KIAA1671: variants seen among roughly 807,000 people sequenced by gnomAD.
KIAA1671 encodes KIAA1671, also known as uncharacterized protein KIAA1671.
KIAA1671 carries 52 observed loss-of-function variants against 131.2 expected under a neutral mutation model. The ratio of observed to expected loss-of-function variants is 0.40; its 90% confidence interval spans 0.32 to 0.50. The LOEUF is 0.50. Ranked by LOEUF, KIAA1671 falls within the 20% of genes least tolerant of loss-of-function variation. The pLI, the probability that KIAA1671 is intolerant of heterozygous loss-of-function variation, is 0.73. For missense variants in KIAA1671, 2,360 were observed against 2,364.2 expected (o/e 1.00, Z 0.04); for synonymous variants, 1,003 against 961.6 (o/e 1.04, Z -0.80).
rs80110637 is a variant in KIAA1671 at position 24,964,931 on chromosome 22, T to C, written c.-208+12159T>C. ...GATGGGCAGAGCCGAAAAATCCTAGTGTTAGATCCTGTTCCCACATGTTGA... is the reference window on the plus strand; with the variant it reads ...GATGGGCAGAGCCGAAAAATCCTAGCGTTAGATCCTGTTCCCACATGTTGA... On this transcript the variant is annotated intron_variant, in intron 1 of 12. Coordinates refer to ENST00000358431, the MANE Select transcript of KIAA1671 (RefSeq NM_001145206.2). 4.3e-3 allele frequency among the ~76,000 whole-genome samples: 660 copies of C among 152,194 alleles called. 2 individuals are homozygous for C. The highest frequency in any genetic ancestry group is 0.015 in the African/African-American group (621 of 41,526).
At chr22:25,177,315 T>A in intron 8 of KIAA1671, 33 bp from the exon 9 acceptor site, 2 of 1,525,776 alleles carry the variant, frequency 1.3e-6, no homozygotes, top group Non-Finnish European at 1.8e-6. Context: ...GTTCCCTTGA[T>A]TTTTTTCCTC....
intron 1 of KIAA1671, among the ~76,000 whole-genome samples, chr22:24,958,566 C>A (rs5760758): frequency 6.6e-6 from 1 of 150,764 alleles, no homozygotes; most frequent in Non-Finnish European, 1.5e-5. Context: ...CAGGAGAATC[C>A]CTTGAACCCC....
chr22:24,958,381 G>A (rs1019994857), intron 1 of KIAA1671, among the ~76,000 whole-genome samples: 4 of 152,248 alleles, frequency 2.6e-5, no homozygotes, highest in African/African-American at 9.6e-5. Context: ...CGGGTGAGGT[G>A]GCTCACGCCT....
In KIAA1671 at chr22:25,069,371, G is replaced by A. The variant is rs80291771; in HGVS notation, c.4530+20007G>A. ...GGAAACATCTGGGAAAGTTTGCCTT[G>A]GATTTGCCCGAGGTGTGCTTTTATT... On this transcript the variant is annotated intron_variant, in intron 6 of 12. Transcript: ENST00000358431. Among the ~76,000 whole-genome samples, 400 of 152,290 alleles carry A rather than the reference G, an allele frequency of 2.6e-3. 3 individuals are homozygous for A. Among genetic ancestry groups the A allele is most frequent in the African/African-American group, 8.4e-3 (348 of 41,578 alleles).
intron 1 of KIAA1671, among the ~76,000 whole-genome samples, chr22:24,957,802 C>T (rs1183612745): frequency 3.3e-5 from 5 of 151,088 alleles, no homozygotes; most frequent in South Asian, 4.2e-4. Flanking sequence ...CTCAGCCTCC[C>T]GAGTAGCTGG....
chr22:25,057,035 A>AT (rs1927877772), intron 6 of KIAA1671: 1 of 152,152 alleles, frequency 6.6e-6, no homozygotes, highest in East Asian at 1.9e-4. Flanking sequence ...ATGAAGTTCC[A>AT]TTTCCTGGCA....
intron 6 of KIAA1671, among the ~76,000 whole-genome samples, chr22:25,164,687 T>C (rs1391325214): frequency 6.6e-6 from 1 of 152,148 alleles, no homozygotes; most frequent in Non-Finnish European, 1.5e-5. Flanking sequence ...TGGTGGCTCA[T>C]GCCTGTAATC....
intron 8 of KIAA1671, chr22:25,175,302 C>T (rs1933984008): frequency 6.6e-6 from 1 of 152,206 alleles, no homozygotes; most frequent in Non-Finnish European, 1.5e-5. Context: ...GAAAGGGACC[C>T]TCTCTCCTGG....
At chr22:24,996,462 G>A (rs936877724) in intron 1 of KIAA1671, among the ~76,000 whole-genome samples, 2 of 152,176 alleles carry the variant, frequency 1.3e-5, no homozygotes, top group African/African-American at 4.8e-5. Flanking sequence ...GGGAGGCAGT[G>A]TGTCAGCCTG....
intron 1 of KIAA1671, among the ~76,000 whole-genome samples, chr22:25,021,022 T>C (rs2123891138): frequency 6.6e-6 from 1 of 152,192 alleles, no homozygotes; most frequent in South Asian, 2.1e-4. Flanking sequence ...GGTGAATGGA[T>C]TGGAGGAGGC....
intron 6 of KIAA1671, among the ~76,000 whole-genome samples, chr22:25,119,487 A>G (rs1331705967): frequency 2.0e-5 from 3 of 152,254 alleles, no homozygotes; most frequent in African/African-American, 7.2e-5. Context: ...TTTGTACCAG[A>G]TACTGTGCTC....
intron 6 of KIAA1671, among the ~76,000 whole-genome samples, chr22:25,152,122 G>T (rs1276378297): frequency 6.6e-6 from 1 of 152,146 alleles, no homozygotes; most frequent in Non-Finnish European, 1.5e-5. Context: ...TATTTTTCAG[G>T]TTACGCCCAC....
At chr22:25,070,093 A>G in intron 6 of KIAA1671, 1 of 343,574 alleles carries the variant, frequency 2.9e-6, no homozygotes, top group South Asian at 1.5e-4. Context: ...AGCTGGGTTC[A>G]GAAGGATCCA....
In KIAA1671 at chr22:25,038,943, C is replaced by T. The variant is rs1001363618; in HGVS notation, c.1813C>T (p.Arg605Trp). The T allele has an allele frequency of 5.8e-6, 9 of 1,551,550 alleles. No individual in the cohort carries two copies. Among genetic ancestry groups the T allele is most frequent in the Admixed American group, 3.9e-5 (2 of 50,972 alleles). Reference protein sequence around the residue: ...CPSDVTPEDDRSFQTVWATVF... With the variant: ...CPSDVTPEDDWSFQTVWATVF... Reference sequence around the variant, plus strand: ...TTCTGACGTCACTCCAGAGGATGACCGGAGCTTCCAGACTGTGTGGGCCAC... The same window carrying T: ...TTCTGACGTCACTCCAGAGGATGACTGGAGCTTCCAGACTGTGTGGGCCAC... The change falls in exon 5 of 13, where the codon CGG becomes TGG. Residue 605 changes from arginine (R) to tryptophan (W), a missense_variant. Physicochemically the swap from Arg to Trp is moderately radical, Grantham distance 101. This residue lies in a region of KIAA1671 where 1,185 missense variants were observed against 1,126.2 expected (regional missense o/e 1.05). Transcript: ENST00000358431.
rs1167599971 is a variant in KIAA1671 at position 25,041,399 on chromosome 22, C to T, written c.4269C>T (p.Ser1423=). 6 of 1,551,786 alleles carry T rather than the reference C, an allele frequency of 3.9e-6. No individual in the cohort carries two copies. Among genetic ancestry groups the T allele is most frequent in the Non-Finnish European group, 5.2e-6 (6 of 1,147,014 alleles). The change falls in exon 5 of 13, where the codon TCC becomes TCT. Residue 1423 remains serine, a synonymous_variant. Coordinates refer to ENST00000358431, the MANE Select transcript of KIAA1671 (RefSeq NM_001145206.2). The part of the protein sequence containing the change: ...GPPANIREGL[S]IMHEARERRR... ...CTGCCAACATCCGAGAGGGCCTGTCCATCATGCATGAAGCCAGAGAGAGGA... is the reference window on the plus strand; with the variant it reads ...CTGCCAACATCCGAGAGGGCCTGTCTATCATGCATGAAGCCAGAGAGAGGA...
intron 5 of KIAA1671, among the ~76,000 whole-genome samples, chr22:25,047,467 C>CTTTTT (rs1198576836): frequency 2.5e-5 from 3 of 120,466 alleles, no homozygotes; most frequent in Non-Finnish European, 5.1e-5. Context: ...GCCTCTTTTC[C>CTTTTT]TTTTTTTTTT....
intron 6 of KIAA1671, among the ~76,000 whole-genome samples, chr22:25,093,737 A>ACTCTCTCTCTCTCTCTCTCTCTCTCT (rs1326086246): frequency 3.3e-5 from 1 of 30,138 alleles, no homozygotes; most frequent in Non-Finnish European, 6.5e-5. Flanking sequence ...ACACACACAC[A>ACTCTCTCTCTCTCTCTCTCTCTCTCT]CTCTCTCTCT....
intron 1 of KIAA1671, among the ~76,000 whole-genome samples, chr22:24,955,853 A>T (rs1277548043): frequency 6.6e-6 from 1 of 151,938 alleles, no homozygotes; most frequent in Non-Finnish European, 1.5e-5. Flanking sequence ...GTGAAACCCC[A>T]TCTCTACTAA....
intron 6 of KIAA1671, among the ~76,000 whole-genome samples, chr22:25,124,012 G>A (rs1932066194): frequency 1.3e-5 from 2 of 152,110 alleles, no homozygotes. Context: ...TAATGTGTAG[G>A]TGTTGGTATT....
Sources: allele counts gnomAD v4.1 joint callset (sites outside exome capture counted in the v4.1 genomes callset), GRCh38; gene constraint gnomAD v4.1.1; regional missense constraint gnomAD v4.1.1; transcripts MANE v1.5; gene names NCBI Gene and HGNC (gene_info 2026-07-23, HGNC 2026-07-21).